OLFM3: variants seen among roughly 807,000 people sequenced by gnomAD.
OLFM3 encodes the protein olfactomedin 3, also known as noelin-3.
A neutral mutation model predicts 48.6 loss-of-function variants in OLFM3; 20 were observed. The ratio of observed to expected loss-of-function variants is 0.41; its 90% CI spans 0.29 to 0.60. OLFM3 has a LOEUF of 0.60. OLFM3 is among the 20% of genes least tolerant of loss of function. The pLI, the probability that OLFM3 is intolerant of heterozygous loss-of-function variation, is 0.28. For synonymous variants in OLFM3, 222 were observed against 198.1 expected, an observed-to-expected ratio of 1.12 and a Z score of -1.01; for missense variants, 437 against 544.3, an observed-to-expected ratio of 0.80 and a Z score of 1.96.
chr1:101,835,146 G>A (rs1177240982), intron 2 of OLFM3, among the ~76,000 whole-genome samples: 1 of 152,102 alleles, frequency 6.6e-6, no homozygotes, highest in Non-Finnish European at 1.5e-5. Flanking sequence ...TTTCTGGGTA[G>A]AAAAGAAGAT....
chr1:101,894,699 T>C lies in OLFM3; in HGVS notation c.70-57674A>G, dbSNP rs6692309. Among the ~76,000 whole-genome samples, 15 of 152,168 alleles carry C rather than the reference T, an allele frequency of 9.9e-5. 1 individual carries two copies. In the East Asian group the frequency reaches 2.7e-3, roughly 27 times the overall value. On this transcript the variant is annotated intron_variant, in intron 1 of 5. Coordinates refer to ENST00000370103, the MANE Select transcript of OLFM3 (RefSeq NM_058170.4). ...GTCATATGTAATTTTTCCTCTTAAATTTTATTTTAAATGTGTTTCAAAGTC... is the reference window on the plus strand; with the variant it reads ...GTCATATGTAATTTTTCCTCTTAAACTTTATTTTAAATGTGTTTCAAAGTC...
intron 1 of OLFM3, among the ~76,000 whole-genome samples, chr1:101,991,741 C>T (rs1273482468): frequency 6.7e-6 from 1 of 149,074 alleles, no homozygotes; most frequent in African/African-American, 2.5e-5. Context: ...ATGATCTCTT[C>T]AGGGGAGCAA....
At chr1:101,981,387 A>G (rs906074089) in intron 1 of OLFM3, among the ~76,000 whole-genome samples, 1 of 152,232 alleles carries the variant, frequency 6.6e-6, no homozygotes, top group Admixed American at 6.5e-5. Context: ...TATCATTCCA[A>G]TCAGCATCAT....
At chr1:101,930,468 CT>C (rs915396456) in intron 1 of OLFM3, among the ~76,000 whole-genome samples, 3 of 152,214 alleles carry the variant, frequency 2.0e-5, no homozygotes, top group Admixed American at 6.5e-5. Context: ...GGAAATTAAA[CT>C]TTTGGAGCTT....
intron 1 of OLFM3, among the ~76,000 whole-genome samples, chr1:101,915,479 C>T (rs1001005266): frequency 2.0e-5 from 3 of 151,832 alleles, no homozygotes; most frequent in Admixed American, 6.6e-5. Context: ...TCTTAAAATT[C>T]CTTATTTTTA....
chr1:101,848,693 T>A (rs1177949521), intron 1 of OLFM3, among the ~76,000 whole-genome samples: 2 of 152,178 alleles, frequency 1.3e-5, no homozygotes, highest in African/African-American at 4.8e-5. Context: ...TTTACATTAG[T>A]ATTACAATGT....
At chr1:101,964,767 T>C (rs1015578690) in intron 1 of OLFM3, among the ~76,000 whole-genome samples, 1 of 152,206 alleles carries the variant, frequency 6.6e-6, no homozygotes, top group Non-Finnish European at 1.5e-5. Flanking sequence ...TAAAACTCCA[T>C]ACAAGAATAT....
chr1:101,817,472 T>A (rs1654390930), intron 4 of OLFM3, among the ~76,000 whole-genome samples: 1 of 152,190 alleles, frequency 6.6e-6, no homozygotes, highest in South Asian at 2.1e-4. Context: ...ACTTTTGGAC[T>A]TTAAATTTCT....
chr1:101,832,186 G>A (rs1655190661), intron 2 of OLFM3, among the ~76,000 whole-genome samples: 1 of 152,166 alleles, frequency 6.6e-6, no homozygotes, highest in South Asian at 2.1e-4. Flanking sequence ...ACTGCGTCCA[G>A]CCAATCTGTT....
At chr1:101,952,099 A>T (rs1179897122) in intron 1 of OLFM3, among the ~76,000 whole-genome samples, 1 of 152,082 alleles carries the variant, frequency 6.6e-6, no homozygotes, top group Non-Finnish European at 1.5e-5. Flanking sequence ...CTATTTATTA[A>T]CTGTACCCTG....
chr1:101,892,540 T>A (rs1440395905), intron 1 of OLFM3, among the ~76,000 whole-genome samples: 1 of 152,082 alleles, frequency 6.6e-6, no homozygotes, highest in Non-Finnish European at 1.5e-5. Flanking sequence ...ACAATTTGAT[T>A]TACAATATGT....
chr1:101,879,662 T>C (rs796065912), intron 1 of OLFM3, among the ~76,000 whole-genome samples: 17 of 151,976 alleles, frequency 1.1e-4, no homozygotes, highest in African/African-American at 3.4e-4. Context: ...AGCTATGGAT[T>C]GATTGAATGC....
rs530619767 is a variant in OLFM3 at position 101,957,525 on chromosome 1, A to G, written c.69+39223T>C. ...ACACAACACAATTTTCAGTTAAAAC[A>G]TCACCTAAAAATCTAAATGTTGCTA... On this transcript the variant is annotated intron_variant, in intron 1 of 5. Transcript: ENST00000370103. 1.2e-3 allele frequency among the ~76,000 whole-genome samples: 184 copies of G among 152,168 alleles called. 1 individual carries two copies. The highest frequency in any genetic ancestry group is 4.2e-3 in the African/African-American group (176 of 41,564).
chr1:101,903,960 C>A (rs1658474412), intron 1 of OLFM3, among the ~76,000 whole-genome samples: 1 of 151,952 alleles, frequency 6.6e-6, no homozygotes, highest in South Asian at 2.1e-4. Context: ...AATTTATTAA[C>A]AAAGTAATTT....
intron 1 of OLFM3, among the ~76,000 whole-genome samples, chr1:101,971,201 T>C (rs1004262300): frequency 6.6e-6 from 1 of 152,112 alleles, no homozygotes; most frequent in South Asian, 2.1e-4. Flanking sequence ...TGGTGAGAGA[T>C]GAGGATCTAA....
At chr1:101,963,379 C>G (rs746722626) in intron 1 of OLFM3, among the ~76,000 whole-genome samples, 1 of 152,118 alleles carries the variant, frequency 6.6e-6, no homozygotes, top group Non-Finnish European at 1.5e-5. Flanking sequence ...TAAACTTTGA[C>G]TGGGTCCAGT....
chr1:101,810,534 T>C (rs1352068418), intron 4 of OLFM3, among the ~76,000 whole-genome samples: 4 of 151,994 alleles, frequency 2.6e-5, no homozygotes, highest in Admixed American at 2.0e-4. Flanking sequence ...AAAAATTTAG[T>C]AGCCTTTAAT....
chr1:101,958,214 G>A (rs898973851), intron 1 of OLFM3, among the ~76,000 whole-genome samples: 8 of 152,062 alleles, frequency 5.3e-5, no homozygotes, highest in African/African-American at 1.4e-4. Flanking sequence ...CATATTAATT[G>A]TGTCCACTGT....
chr1:101,922,050 C>T (rs1247441756), intron 1 of OLFM3, among the ~76,000 whole-genome samples: 1 of 151,674 alleles, frequency 6.6e-6, no homozygotes, highest in African/African-American at 2.4e-5. Context: ...TAGAGCGAGA[C>T]TCCATCTCAA....
Sources: allele counts gnomAD v4.1 joint callset (sites outside exome capture counted in the v4.1 genomes callset), GRCh38; gene constraint gnomAD v4.1.1; transcripts MANE v1.5; gene names NCBI Gene and HGNC (gene_info 2026-07-23, HGNC 2026-07-21).